The following NLGN1 variants were observed in gnomAD, a reference collection of about 807,000 sequenced individuals.
The protein encoded by NLGN1 is neuroligin 1, also known as neuroligin-1.
In NLGN1, 12 loss-of-function variants were observed where a neutral mutation model predicts 65.5. The ratio of observed to expected loss-of-function variants is 0.18; its 90% CI spans 0.12 to 0.30. The LOEUF (loss-of-function observed/expected upper bound fraction) is 0.30. Ranked by LOEUF, NLGN1 falls within the 10% of genes least tolerant of loss-of-function variation. The pLI is 1.00. For missense variants in NLGN1, 750 were observed against 1,007.1 expected (o/e 0.74, Z 3.46); for synonymous variants, 350 against 359.5 (o/e 0.97, Z 0.30).
At chr3:173,915,477 T>C (rs1740544288) in intron 4 of NLGN1, among the ~76,000 whole-genome samples, 1 of 152,162 alleles carries the variant, frequency 6.6e-6, no homozygotes, top group Admixed American at 6.6e-5. Context: ...TTGAATAATA[T>C]CCAATTAAGC....
chr3:173,964,839 A>G lies in NLGN1; in HGVS notation c.646+157007A>G, dbSNP rs368403598. Among the ~76,000 whole-genome samples the G allele has an allele frequency of 3.9e-5, 6 of 152,344 alleles. No individual in the cohort carries two copies. In the South Asian group the frequency reaches 6.2e-4, roughly 16 times the overall value. On this transcript the variant is annotated intron_variant, in intron 4 of 6. Coordinates refer to ENST00000457714, the Ensembl canonical transcript of NLGN1. ...TATTCTTGAAAAACAAGCACGGAAA[A>G]TAAACATTTTCAGGTACGAGTACAT...
intron 4 of NLGN1, among the ~76,000 whole-genome samples, chr3:174,232,583 G>A (rs989862208): frequency 7.9e-5 from 12 of 152,152 alleles, no homozygotes; most frequent in African/African-American, 2.7e-4. Flanking sequence ...AATACTTACA[G>A]AAATGAATAT....
intron 1 of NLGN1, among the ~76,000 whole-genome samples, chr3:173,398,992 C>G (rs1192916080): frequency 6.6e-6 from 1 of 152,066 alleles, no homozygotes. Flanking sequence ...AATGTCTCAG[C>G]ATTTCTATCA....
chr3:173,592,109 C>G (rs972822772), intron 2 of NLGN1, among the ~76,000 whole-genome samples: 3 of 151,888 alleles, frequency 2.0e-5, no homozygotes, highest in Non-Finnish European at 4.4e-5. Context: ...TGATTTTTGC[C>G]CCTCTTGCCC....
At chr3:174,101,706 A>T (rs889905435) in intron 4 of NLGN1, among the ~76,000 whole-genome samples, 1 of 152,204 alleles carries the variant, frequency 6.6e-6, no homozygotes. Flanking sequence ...CCCTCGCACA[A>T]TAGTGCCCAC....
chr3:174,016,730 T>A (rs184040066), intron 4 of NLGN1, among the ~76,000 whole-genome samples: 4 of 152,256 alleles, frequency 2.6e-5, no homozygotes, highest in South Asian at 2.1e-4. Flanking sequence ...TATTTTTGTA[T>A]TAAAAGTAAT....
intron 4 of NLGN1, among the ~76,000 whole-genome samples, chr3:174,135,663 A>G (rs1287479195): frequency 1.3e-5 from 2 of 152,194 alleles, no homozygotes; most frequent in Non-Finnish European, 2.9e-5. Context: ...ATGACCTAAT[A>G]GAATACCAGG....
At chr3:173,566,717 T>G (rs1364834948) in intron 2 of NLGN1, among the ~76,000 whole-genome samples, 1 of 152,156 alleles carries the variant, frequency 6.6e-6, no homozygotes, top group East Asian at 1.9e-4. Flanking sequence ...GACTCATACA[T>G]ATTTATTTTT....
At chr3:173,871,285 T>C (rs966835673) in intron 4 of NLGN1, among the ~76,000 whole-genome samples, 2 of 152,138 alleles carry the variant, frequency 1.3e-5, no homozygotes, top group African/African-American at 4.8e-5. Flanking sequence ...AATGAACCAG[T>C]AGATGTGGAA....
intron 4 of NLGN1, among the ~76,000 whole-genome samples, chr3:174,168,210 T>G: frequency 6.6e-6 from 1 of 152,222 alleles, no homozygotes; most frequent in Non-Finnish European, 1.5e-5. Flanking sequence ...TCCTCTGTCA[T>G]TTCTGAGTTT....
intron 3 of NLGN1, among the ~76,000 whole-genome samples, chr3:173,788,669 A>ACT: frequency 6.6e-6 from 1 of 151,870 alleles, no homozygotes; most frequent in Non-Finnish European, 1.5e-5. Flanking sequence ...AAGAAATCTT[A>ACT]CTCCTGCTGG....
chr3:173,406,205 C>G lies in NLGN1; in HGVS notation c.-390+7718C>G, dbSNP rs995297306. On this transcript the variant is annotated intron_variant, in intron 1 of 6. Coordinates refer to ENST00000457714, the Ensembl canonical transcript of NLGN1. The stretch of plus-strand genomic sequence containing the variant: ...CAAATATACTGGATGAGAAAGATTA[C>G]TAAATAAATCACAGCCAAATAGTGG... 2.6e-5 allele frequency among the ~76,000 whole-genome samples: 4 copies of G among 151,848 alleles called. No homozygotes were observed. In the East Asian group the frequency reaches 7.7e-4, roughly 29 times the overall value.
chr3:174,293,509 AG>A, the NLGN1 span, among the ~76,000 whole-genome samples: 1 of 151,782 alleles, frequency 6.6e-6, no homozygotes, highest in East Asian at 1.9e-4. Context: ...TCATGACTTC[AG>A]AAAAAAGAAG....
intron 4 of NLGN1, among the ~76,000 whole-genome samples, chr3:174,005,697 CTT>C (rs36063785): frequency 5.6e-5 from 8 of 143,810 alleles, no homozygotes; most frequent in African/African-American, 1.0e-4. Flanking sequence ...CTTAATTGAA[CTT>C]TTTTTTTTTT....
intron 2 of NLGN1, among the ~76,000 whole-genome samples, chr3:173,440,861 C>A (rs773530286): frequency 1.3e-5 from 2 of 152,248 alleles, no homozygotes; most frequent in East Asian, 1.9e-4. Context: ...TCTTTTGAAG[C>A]CTGCAAGCCA....
At chr3:173,396,024 C>CGTGTACGTGTGT (rs1235727900), upstream of NLGN1, among the ~76,000 whole-genome samples, 1 of 151,922 alleles carries the variant, frequency 6.6e-6, no homozygotes, top group Non-Finnish European at 1.5e-5. Flanking sequence ...TGTGTGCGCG[C>CGTGTACGTGTGT]GTGTACGTGT....
chr3:173,675,887 T>TCTCACACA (rs756157881), intron 3 of NLGN1, among the ~76,000 whole-genome samples: 52 of 138,636 alleles, frequency 3.8e-4, no homozygotes, highest in Non-Finnish European at 5.4e-4. Context: ...TCTCTCTCTC[T>TCTCACACA]CACACACACA....
At chr3:173,844,547 G>A (rs1350961281) in intron 4 of NLGN1, among the ~76,000 whole-genome samples, 1 of 152,176 alleles carries the variant, frequency 6.6e-6, no homozygotes, top group Non-Finnish European at 1.5e-5. Context: ...GGAAGAAGCT[G>A]AGGTACCTGA....
intron 4 of NLGN1, among the ~76,000 whole-genome samples, chr3:173,864,670 C>G (rs976620808): frequency 6.6e-6 from 1 of 152,122 alleles, no homozygotes; most frequent in Non-Finnish European, 1.5e-5. Flanking sequence ...ATTAAATTTA[C>G]GTTCTGTTTA....
Sources: allele counts gnomAD v4.1 joint callset (sites outside exome capture counted in the v4.1 genomes callset), GRCh38; gene constraint gnomAD v4.1.1; transcripts MANE v1.5; gene names NCBI Gene and HGNC (gene_info 2026-07-23, HGNC 2026-07-21).